The following P2RX2 variants were observed in gnomAD, a reference collection of about 807,000 sequenced individuals.
P2RX2 encodes the protein P2X purinoceptor 2.
P2RX2 carries 50 observed loss-of-function variants against 54.8 expected under a neutral mutation model. That is an observed-to-expected ratio of 0.91 (90% CI 0.73 to 1.15). The LOEUF (loss-of-function observed/expected upper bound fraction) is 1.15, where lower values mean the gene tolerates loss of function less well. P2RX2 is among the 50% of genes most tolerant of loss of function. The pLI is 0.00. For missense variants in P2RX2, 658 were observed against 633.2 expected (o/e 1.04, Z -0.42); for synonymous variants, 289 against 259.4 (o/e 1.11, Z -1.09).
In P2RX2 at chr12:132,619,593, C is replaced by CCCCCG. The variant is rs769312264; in HGVS notation, c.309+27_309+31dup. The CCCCCG allele has an allele frequency of 6.2e-7, 1 of 1,601,492 alleles. No individual in the cohort carries two copies. The highest frequency in any genetic ancestry group is 8.5e-7 in the Non-Finnish European group (1 of 1,171,410). On this transcript the variant is annotated intron_variant, in intron 2 of 10. Transcript: ENST00000643471. ...CCCCGAGGTGCGGGCCGCCCCCTGC[C>CCCCCG]CCCCGCCCCGCCGTGCACCCTACCC...
At position 132,622,056 on chromosome 12, in the gene P2RX2, C is replaced by T; in HGVS notation, c.*84C>T. 1 of 1,591,348 alleles carries T rather than the reference C, an allele frequency of 6.3e-7. No homozygotes were observed. Among genetic ancestry groups the T allele is most frequent in the Non-Finnish European group, 8.5e-7 (1 of 1,170,846 alleles). On this transcript the variant is annotated 3_prime_UTR_variant, in exon 11 of 11. Transcript: ENST00000643471. ...CTAGGGACCTGCACGTGGACGTGGG[C>T]ACCTCAGTAGCGGAGCATCTCCACG...
In P2RX2 at chr12:132,619,474, G is replaced by A. The variant is rs1365261530; in HGVS notation, c.209G>A (p.Ser70Asn). ...VFIVQKSYQE[S>N]ETGPESSIIT... ...ATCGTGCAGAAAAGCTACCAGGAGA[G>A]CGAGACGGGCCCCGAGAGCTCCATC... is the stretch of plus-strand genomic sequence containing the variant. The change falls in exon 2 of 11, where the codon AGC becomes AAC. Residue 70 changes from serine to asparagine, a missense_variant. Physicochemically the swap from Ser to Asn is conservative, Grantham distance 46 (BLOSUM62 1). Transcript: ENST00000643471. 2 of 1,612,674 alleles carry A rather than the reference G, an allele frequency of 1.2e-6. No homozygotes were observed. Among genetic ancestry groups the A allele is most frequent in the Non-Finnish European group, 1.7e-6 (2 of 1,179,448 alleles).
At position 132,618,884 on chromosome 12, in the gene P2RX2, C is replaced by T; in HGVS notation, c.68C>T (p.Ser23Phe). The stretch of plus-strand genomic sequence containing the variant: ...CGGCGCCTGGCCCGGGGCTGCTGGT[C>T]CGCCCTCTGGGACTACGAGACGCCC... ...TARRLARGCW[S>F]ALWDYETPKV... Residue 23 changes from serine to phenylalanine, a missense_variant, in exon 1 of 11, where the codon TCC becomes TTC. Coordinates refer to ENST00000643471, the MANE Select transcript of P2RX2 (RefSeq NM_170682.4). 1 of 1,377,422 alleles carries T rather than the reference C, an allele frequency of 7.3e-7. No individual in the cohort carries two copies. Among genetic ancestry groups the T allele is most frequent in the Non-Finnish European group, 9.5e-7 (1 of 1,057,650 alleles). 85.3% of individuals were successfully genotyped at this position (1,377,422 alleles called of 1,614,324 possible).
At chr12:132,620,740 G>A (rs1025981481) in intron 7 of P2RX2, among the ~76,000 whole-genome samples, 157 bp downstream of exon 7, 1 of 152,150 alleles carries the variant, frequency 6.6e-6, no homozygotes, top group Non-Finnish European at 1.5e-5. Context: ...CCGGTGTGGC[G>A]CTTGCTGAAT....
In P2RX2 at chr12:132,621,344, AGGTGCCTGCACCTGCTGGG is replaced by A. The variant is rs749968596; in HGVS notation, c.996+4_996+22del. 2 of 1,613,924 alleles carry A rather than the reference AGGTGCCTGCACCTGCTGGG, an allele frequency of 1.2e-6. No individual in the cohort carries two copies. Among genetic ancestry groups the A allele is most frequent in the Non-Finnish European group, 1.7e-6 (2 of 1,179,932 alleles). ...CGCATTGACGTCATTGTGCATGGAC[AGGTGCCTGCACCTGCTGGG>A]GGTGGGTGGCCAGCCCTGCTAGCCT... On this transcript the variant is annotated splice_donor_variant and splice_donor_5th_base_variant and coding_sequence_variant and intron_variant, in exon 9 of 11. Coordinates refer to ENST00000643471, the MANE Select transcript of P2RX2 (RefSeq NM_170682.4). LOFTEE classifies it high-confidence loss of function.
chr12:132,619,649 T>G, intron 2 of P2RX2, 30 bp from the exon 3 acceptor site: 3 of 1,581,220 alleles, frequency 1.9e-6, no homozygotes, highest in Non-Finnish European at 2.6e-6. Context: ...GGCTGCCGCC[T>G]GGCCGACCGC....
In P2RX2 at chr12:132,620,034, G is replaced by A. The variant is rs1237884498; in HGVS notation, c.492G>A (p.Gln164=). ...LRTGRCVPYY[Q]GPSKTCEVFG... ...CTGGGCGCTGTGTGCCCTATTACCA[G>A]GGGCCCTCCAAGACCTGCGAGGTGT... The change falls in exon 5 of 11, where the codon CAG becomes CAA. Residue 164 remains glutamine, a synonymous_variant. Transcript: ENST00000643471. The A allele has an allele frequency of 1.3e-6, 2 of 1,590,582 alleles. No individual in the cohort carries two copies. The highest frequency in any genetic ancestry group is 8.5e-7 in the Non-Finnish European group (1 of 1,170,120).
rs771820471 is a variant in P2RX2 at position 132,621,456 on chromosome 12, C to T, written c.997-19C>T. 14 of 1,572,362 alleles carry T rather than the reference C, an allele frequency of 8.9e-6. No individual in the cohort carries two copies. Among genetic ancestry groups the T allele is most frequent in the Admixed American group, 5.3e-5 (3 of 56,152 alleles). On this transcript the variant is annotated intron_variant, in intron 9 of 10. Coordinates refer to ENST00000643471, the MANE Select transcript of P2RX2 (RefSeq NM_170682.4). Reference sequence around the variant, plus strand: ...CAGACGCCGTCAGACATTCTGACCACGACCCCCATTCTCCCCAGGCCGGGA... The same window carrying T: ...CAGACGCCGTCAGACATTCTGACCATGACCCCCATTCTCCCCAGGCCGGGA...
chr12:132,619,360 G>A, intron 1 of P2RX2, 79 bp from the exon 2 acceptor site: 1 of 1,539,120 alleles, frequency 6.5e-7, no homozygotes, highest in Non-Finnish European at 8.9e-7. Flanking sequence ...CGGGTCGCGG[G>A]AGGGCCCCTG....
Position 132,621,096 on chromosome 12 carries a change from C to T in P2RX2, c.870C>T (p.Pro290=). The change falls in exon 8 of 11, where the codon CCC becomes CCT. Residue 290 remains proline (P), a synonymous_variant. Coordinates refer to ENST00000643471, the MANE Select transcript of P2RX2 (RefSeq NM_170682.4). ...NPKYSFRRLD[P]KHVPASSGYN... ...AGTACTCCTTCCGGAGGCTTGACCC[C>T]AAGCACGTGCCTGCCTCGTCAGGCT... is the stretch of plus-strand genomic sequence containing the variant. The T allele has an allele frequency of 6.2e-7, 1 of 1,614,160 alleles. No homozygotes were observed. Among genetic ancestry groups the T allele is most frequent in the Admixed American group, 1.7e-5 (1 of 60,028 alleles).
rs1248411244 is a variant in P2RX2, at chr12:132,620,036, G to A, written c.494G>A (p.Gly165Glu). The A allele has an allele frequency of 6.3e-7, 1 of 1,590,684 alleles. No individual in the cohort carries two copies. The highest frequency in any genetic ancestry group is 2.3e-5 in the East Asian group (1 of 43,854). ...RTGRCVPYYQ[G>E]PSKTCEVFGW... ...GGGCGCTGTGTGCCCTATTACCAGGGGCCCTCCAAGACCTGCGAGGTGTTC... is the reference window on the plus strand; with the variant it reads ...GGGCGCTGTGTGCCCTATTACCAGGAGCCCTCCAAGACCTGCGAGGTGTTC... Residue 165 changes from glycine to glutamate, a missense_variant, in exon 5 of 11, where the codon GGG (glycine) becomes GAG (glutamate). By Grantham distance (98) the Gly-to-Glu change is moderately conservative (BLOSUM62 -2). Coordinates refer to ENST00000643471, the MANE Select transcript of P2RX2 (RefSeq NM_170682.4).
chr12:132,619,284 C>T (rs1225801330), intron 1 of P2RX2, 155 bp from the exon 2 acceptor site: 9 of 429,666 alleles, frequency 2.1e-5, no homozygotes, highest in Non-Finnish European at 2.9e-5. Context: ...ACCGGGGGCG[C>T]GGGGCAGGGG....
Position 132,621,861 on chromosome 12 carries a change from C to T in P2RX2, c.1305C>T (p.Pro435=), listed in dbSNP as rs1374048905. 1 of 1,613,238 alleles carries T rather than the reference C, an allele frequency of 6.2e-7. No individual in the cohort carries two copies. Among genetic ancestry groups the T allele is most frequent in the Admixed American group, 1.7e-5 (1 of 59,974 alleles). ...QGAECGPAFP[P]LRPCPISAPS... is the part of the protein sequence containing the mutation. ...CAGAGTGTGGCCCAGCCTTCCCGCC[C>T]CTGCGGCCTTGCCCCATCTCTGCCC... Residue 435 remains proline (P), a synonymous_variant, in exon 11 of 11, where the codon CCC becomes CCT. Coordinates refer to ENST00000643471, the MANE Select transcript of P2RX2 (RefSeq NM_170682.4).
chr12:132,621,835 G>A lies in P2RX2; in HGVS notation c.1279G>A (p.Ala427Thr), dbSNP rs755302767. Residue 427 changes from alanine to threonine, a missense_variant, in exon 11 of 11, where the codon GCA (alanine) becomes ACA (threonine). Coordinates refer to ENST00000643471, the MANE Select transcript of P2RX2 (RefSeq NM_170682.4). ...PPSGQEGQQG[A>T]ECGPAFPPLR... ...ATCAGGCCAGGAGGGCCAACAAGGGGCAGAGTGTGGCCCAGCCTTCCCGCC... is the reference window on the plus strand; with the variant it reads ...ATCAGGCCAGGAGGGCCAACAAGGGACAGAGTGTGGCCCAGCCTTCCCGCC... 2 of 1,611,856 alleles carry A rather than the reference G, an allele frequency of 1.2e-6. No homozygotes were observed. The highest frequency in any genetic ancestry group is 2.2e-5 in the South Asian group (2 of 90,858).
In P2RX2 at chr12:132,619,554, G is replaced by A. The variant is rs1773519364; in HGVS notation, c.289G>A (p.Glu97Lys). ...CGAGCACAAAGTGTGGGACGTGGAG[G>A]AGTACGTGAAGCCCCCCGAGGTGCG... ...TSEHKVWDVEEYVKPPEGGSV... is the reference protein window; with the variant it reads ...TSEHKVWDVEKYVKPPEGGSV... The change falls in exon 2 of 11, where the codon GAG becomes AAG. Residue 97 changes from glutamate to lysine, a missense_variant. By Grantham distance (56) the Glu-to-Lys change is moderately conservative (BLOSUM62 1). Transcript: ENST00000643471. 3 of 1,611,898 alleles carry A rather than the reference G, an allele frequency of 1.9e-6. No homozygotes were observed. Among genetic ancestry groups the A allele is most frequent in the African/African-American group, 1.3e-5 (1 of 74,960 alleles).
intron 9 of P2RX2, 29 bp downstream of exon 9, chr12:132,621,374 C>A: frequency 6.2e-7 from 1 of 1,613,290 alleles, no homozygotes; most frequent in Non-Finnish European, 8.5e-7. Flanking sequence ...GGTGGGTGGC[C>A]AGCCCTGCTA....
intron 8 of P2RX2, 61 bp from the exon 9 acceptor site, chr12:132,621,194 A>C: frequency 6.2e-7 from 1 of 1,613,894 alleles, no homozygotes; most frequent in Non-Finnish European, 8.5e-7. Context: ...CGAGAGGCCC[A>C]ATGCCTGTGG....
In P2RX2 at chr12:132,618,995, CG is replaced by C. The variant is rs2041497002; in HGVS notation, c.173+10del. On this transcript the variant is annotated splice_region_variant and intron_variant, in intron 1 of 10. Coordinates refer to ENST00000643471, the MANE Select transcript of P2RX2 (RefSeq NM_170682.4). ...ATCCTGCTCTACTTCGTGTGGTGCGCGGGGCGCGGGGTGCGGGGCGCGGGGT... is the reference window on the plus strand; with the variant it reads ...ATCCTGCTCTACTTCGTGTGGTGCGCGGGCGCGGGGTGCGGGGCGCGGGGT... 2.6e-5 allele frequency: 4 copies of C among 152,600 alleles called. No individual in the cohort carries two copies. The highest frequency in any genetic ancestry group is 2.3e-4 in the South Asian group (1 of 4,342). 9.5% of individuals were successfully genotyped at this position (152,600 alleles called of 1,614,324 possible). A position where few individuals can be genotyped will look rare whatever the true frequency, so the allele number is the denominator to read the frequency against.
At chr12:132,620,864 G>C in intron 7 of P2RX2, 137 bp from the exon 8 acceptor site, 1 of 1,030,156 alleles carries the variant, frequency 9.7e-7, no homozygotes, top group Non-Finnish European at 1.3e-6. Flanking sequence ...CTCACATGCA[G>C]CCTGGGACTG....
Sources: allele counts gnomAD v4.1 joint callset (sites outside exome capture counted in the v4.1 genomes callset), GRCh38; gene constraint gnomAD v4.1.1; transcripts MANE v1.5; gene names NCBI Gene and HGNC (gene_info 2026-07-23, HGNC 2026-07-21).